SLC35F3: variants seen among roughly 807,000 people sequenced by gnomAD.
SLC35F3 encodes the protein putative thiamine transporter SLC35F3.
Under a neutral mutation model 49.9 loss-of-function variants are expected in SLC35F3, and 25 were observed. That is an observed-to-expected ratio of 0.50 (90% CI 0.37 to 0.70). SLC35F3 has a LOEUF of 0.70. Among genes scored for constraint, SLC35F3 ranks in the 30% least tolerant of loss-of-function variants. The pLI, the probability that SLC35F3 is intolerant of heterozygous loss-of-function variation, is 0.00. For missense variants in SLC35F3, 525 were observed against 639.8 expected (o/e 0.82, Z 1.94); for synonymous variants, 275 against 265.4 (o/e 1.04, Z -0.35).
rs11587546 is a variant in SLC35F3 at position 234,147,371 on chromosome 1, C to A, written c.284-84046C>A. 4.7e-3 allele frequency among the ~76,000 whole-genome samples: 710 copies of A among 151,662 alleles called. 2 individuals carry two copies. The highest frequency in any genetic ancestry group is 8.1e-3 in the Non-Finnish European group (550 of 67,914). The stretch of plus-strand genomic sequence containing the variant: ...CAATTTACTGTGTTTTTTGTTTCAC[C>A]TGTTATTGTATCATATGTAATATTT... On this transcript the variant is annotated intron_variant, in intron 2 of 7. Coordinates refer to ENST00000366618, the MANE Select transcript of SLC35F3 (RefSeq NM_173508.4).
At chr1:233,976,813 G>A (rs1663093521) in intron 2 of SLC35F3, among the ~76,000 whole-genome samples, 1 of 152,158 alleles carries the variant, frequency 6.6e-6, no homozygotes, top group South Asian at 2.1e-4. Flanking sequence ...GTTTCACCAT[G>A]TTCGTAAGGC....
At chr1:234,090,738 G>A (rs1015814373) in intron 2 of SLC35F3, among the ~76,000 whole-genome samples, 4 of 152,158 alleles carry the variant, frequency 2.6e-5, no homozygotes, top group African/African-American at 9.7e-5. Context: ...CTAGTTGAAG[G>A]GTCAGTGGTC....
intron 2 of SLC35F3, among the ~76,000 whole-genome samples, chr1:234,137,774 TAGC>T (rs1665833191): frequency 6.6e-6 from 1 of 152,150 alleles, no homozygotes; most frequent in Non-Finnish European, 1.5e-5. Flanking sequence ...AGCTGCAAAT[TAGC>T]AGGAGAGACA....
At chr1:233,976,620 T>C (rs1343910634) in intron 2 of SLC35F3, among the ~76,000 whole-genome samples, 1 of 152,180 alleles carries the variant, frequency 6.6e-6, no homozygotes, top group Non-Finnish European at 1.5e-5. Flanking sequence ...CTCAATTTTT[T>C]TTTTTCTTGA....
intron 2 of SLC35F3, among the ~76,000 whole-genome samples, chr1:233,988,705 C>T (rs1047575236): frequency 1.3e-5 from 2 of 152,216 alleles, no homozygotes; most frequent in African/African-American, 4.8e-5. Flanking sequence ...TTCTCTGTCT[C>T]TTATAACTTT....
At chr1:234,187,380 G>A (rs1666657878) in intron 2 of SLC35F3, among the ~76,000 whole-genome samples, 1 of 152,226 alleles carries the variant, frequency 6.6e-6, no homozygotes, top group Non-Finnish European at 1.5e-5. Flanking sequence ...CAGCTCCAAG[G>A]AGAGGGGGGA....
chr1:234,165,126 G>C (rs1666295165), intron 2 of SLC35F3, among the ~76,000 whole-genome samples: 1 of 151,776 alleles, frequency 6.6e-6, no homozygotes. Context: ...ACTTGCCTGA[G>C]TAGCATTAGT....
At chr1:234,300,789 G>T (rs1668681123) in intron 3 of SLC35F3, among the ~76,000 whole-genome samples, 1 of 152,234 alleles carries the variant, frequency 6.6e-6, no homozygotes, top group South Asian at 2.1e-4. Context: ...TGAGTGTAGT[G>T]TGGAAAATGG....
intron 2 of SLC35F3, among the ~76,000 whole-genome samples, chr1:234,033,921 A>G (rs1664103307): frequency 6.6e-6 from 1 of 152,152 alleles, no homozygotes; most frequent in Admixed American, 6.5e-5. Flanking sequence ...TGGGAATCGC[A>G]TCGAATATGT....
chr1:233,948,534 G>A (rs989830136), intron 2 of SLC35F3, among the ~76,000 whole-genome samples: 5 of 151,516 alleles, frequency 3.3e-5, no homozygotes, highest in Admixed American at 2.0e-4. Flanking sequence ...TGGAAAGTTA[G>A]GTAAGGCGTT....
intron 2 of SLC35F3, among the ~76,000 whole-genome samples, chr1:234,054,093 T>G (rs186415819): frequency 4.5e-4 from 68 of 152,334 alleles, no homozygotes; most frequent in Middle Eastern, 6.8e-3. Context: ...TCATTTCAAC[T>G]TTGGTGAATC....
chr1:234,209,578 A>G (rs1054446513), intron 2 of SLC35F3, among the ~76,000 whole-genome samples: 57 of 152,128 alleles, frequency 3.7e-4, no homozygotes, highest in African/African-American at 1.3e-3. Flanking sequence ...CTGATTTGAA[A>G]AGGAGTATGG....
At chr1:234,244,810 T>C (rs921101575) in intron 3 of SLC35F3, among the ~76,000 whole-genome samples, 13 of 152,154 alleles carry the variant, frequency 8.5e-5, no homozygotes, top group African/African-American at 3.1e-4. Context: ...TTTAGAGGAT[T>C]TGTGCATTTA....
chr1:234,264,482 CAG>C (rs1667951617), intron 3 of SLC35F3, among the ~76,000 whole-genome samples: 1 of 152,228 alleles, frequency 6.6e-6, no homozygotes. Context: ...GAGCTCTTAT[CAG>C]AGTCATATGT....
chr1:234,144,009 A>C (rs6664216), intron 2 of SLC35F3, among the ~76,000 whole-genome samples: 10,389 of 152,232 alleles, frequency 0.068, 582 homozygotes, highest in African/African-American at 0.14. Flanking sequence ...CCAAGAGAGC[A>C]CAAGAAAGAA....
intron 2 of SLC35F3, among the ~76,000 whole-genome samples, chr1:233,958,017 T>C (rs542081195): frequency 3.7e-4 from 56 of 152,254 alleles, no homozygotes; most frequent in African/African-American, 1.3e-3. Context: ...TTTCACTCCT[T>C]GTGGCCCTTT....
chr1:233,996,644 C>A (rs1444639022), intron 2 of SLC35F3, among the ~76,000 whole-genome samples: 2 of 152,170 alleles, frequency 1.3e-5, no homozygotes, highest in African/African-American at 2.4e-5. Flanking sequence ...ACATGGTGAT[C>A]ATTTTCACTC....
chr1:233,952,877 C>T (rs947835122), intron 2 of SLC35F3, among the ~76,000 whole-genome samples: 4 of 152,148 alleles, frequency 2.6e-5, no homozygotes, highest in African/African-American at 9.7e-5. Context: ...TCGCCCCCCT[C>T]CCCGCCCCAC....
intron 2 of SLC35F3, among the ~76,000 whole-genome samples, chr1:234,127,698 T>C (rs551482032): frequency 3.3e-5 from 5 of 152,228 alleles, no homozygotes; most frequent in African/African-American, 1.2e-4. Flanking sequence ...ATTACCATAA[T>C]AAAAGCTGAG....
Sources: allele counts gnomAD v4.1 joint callset (sites outside exome capture counted in the v4.1 genomes callset), GRCh38; gene constraint gnomAD v4.1.1; transcripts MANE v1.5; gene names NCBI Gene and HGNC (gene_info 2026-07-23, HGNC 2026-07-21).